DSCAM: variants seen among roughly 807,000 people sequenced by gnomAD.
The protein encoded by DSCAM is cell adhesion molecule DSCAM.
Under a neutral mutation model 217.7 loss-of-function variants are expected in DSCAM, and 47 were observed. The observed-to-expected ratio is 0.22, with a 90% CI of 0.17 to 0.28. The LOEUF (loss-of-function observed/expected upper bound fraction) is 0.28. DSCAM is among the 10% of genes least tolerant of loss of function. The probability of loss-of-function intolerance (pLI) is 1.00; values close to 1 mark genes in which losing one functional copy is unlikely to be tolerated. For synonymous variants in DSCAM, 1,056 were observed against 1,015.3 expected (o/e 1.04, Z -0.76); for missense variants, 2,080 against 2,618.3 (o/e 0.79, Z 4.49).
At chr21:40,785,106 T>C (rs1351532036) in intron 1 of DSCAM, among the ~76,000 whole-genome samples, 3 of 152,188 alleles carry the variant, frequency 2.0e-5, no homozygotes, top group Non-Finnish European at 2.9e-5. Context: ...ACAAATAAAA[T>C]GGAAATAAAT....
At chr21:40,360,121 G>T (rs1209515542) in intron 4 of DSCAM, among the ~76,000 whole-genome samples, 8 of 82,610 alleles carry the variant, frequency 9.7e-5, no homozygotes, top group African/African-American at 2.0e-4. Flanking sequence ...TTCATAGGTA[G>T]TCTTTTTTTT....
At chr21:40,271,438 G>A (rs564306464) in intron 11 of DSCAM, among the ~76,000 whole-genome samples, 15 of 152,184 alleles carry the variant, frequency 9.9e-5, no homozygotes, top group East Asian at 1.9e-4. Context: ...CAGTGTTCCC[G>A]GAAACACGAG....
intron 18 of DSCAM, 150 bp from the exon 19 acceptor site, chr21:40,134,159 G>T: frequency 2.0e-6 from 2 of 982,750 alleles, no homozygotes; most frequent in Non-Finnish European, 2.9e-6. Flanking sequence ...ACTGTGCACA[G>T]TCATCCTGTG....
Position 40,369,215 on chromosome 21 carries a change from G to C in DSCAM, c.539C>G (p.Ala180Gly), listed in dbSNP as rs1268802604. 6 of 1,610,416 alleles carry C rather than the reference G, an allele frequency of 3.7e-6. No homozygotes were observed. Among genetic ancestry groups the C allele is most frequent in the Middle Eastern group, 1.7e-4 (1 of 6,048 alleles). Residue 180 changes from alanine to glycine, a missense_variant, in exon 4 of 33, where the codon GCC (alanine) becomes GGC (glycine). By Grantham distance (60) the Ala-to-Gly change is moderately conservative. Around this residue, in one of 5 missense-constraint regions of DSCAM, gnomAD observed 568 missense variants for 678.1 expected, o/e 0.84. Transcript: ENST00000400454. ...ATTCTGTACATCTTTAATATACAAG[G>C]CTCCCGTGGATGTGATGAGAAATCT... ...GSRFLITSTG[A>G]LYIKDVQNED...
At chr21:40,641,266 G>A (rs2089875422) in intron 3 of DSCAM, among the ~76,000 whole-genome samples, 1 of 151,914 alleles carries the variant, frequency 6.6e-6, no homozygotes, top group Non-Finnish European at 1.5e-5. Context: ...GGTGTGGTCT[G>A]GGTGGTGGAC....
intron 3 of DSCAM, among the ~76,000 whole-genome samples, chr21:40,580,754 A>G (rs2076898890): frequency 6.6e-6 from 1 of 152,170 alleles, no homozygotes; most frequent in Non-Finnish European, 1.5e-5. Context: ...AGTGGAAAAC[A>G]CCCAATGTAC....
At chr21:40,073,839 T>C (rs1388662167) in intron 27 of DSCAM, among the ~76,000 whole-genome samples, 1 of 152,188 alleles carries the variant, frequency 6.6e-6, no homozygotes. Context: ...TAAAAGATAA[T>C]TGGTTCGCAC....
intron 3 of DSCAM, among the ~76,000 whole-genome samples, chr21:40,380,830 G>C (rs1482284573): frequency 6.6e-6 from 1 of 152,066 alleles, no homozygotes; most frequent in African/African-American, 2.4e-5. Context: ...TTGGGAGGCC[G>C]AGGCGGGCGG....
intron 1 of DSCAM, among the ~76,000 whole-genome samples, chr21:40,781,480 G>A (rs2091543909): frequency 1.3e-5 from 2 of 152,164 alleles, no homozygotes; most frequent in Non-Finnish European, 2.9e-5. Flanking sequence ...AGTCCACTTA[G>A]ACACAGATTT....
At chr21:40,324,141 A>AAAG (rs2074292597) in intron 8 of DSCAM, among the ~76,000 whole-genome samples, 3 of 149,940 alleles carry the variant, frequency 2.0e-5, no homozygotes, top group African/African-American at 7.4e-5. Context: ...AGAAAAAAAA[A>AAAG]AGAGAGAGAG....
intron 3 of DSCAM, among the ~76,000 whole-genome samples, chr21:40,692,127 A>G (rs907078642): frequency 1.6e-4 from 24 of 152,372 alleles, no homozygotes; most frequent in African/African-American, 2.9e-4. Flanking sequence ...ATATGCCAAC[A>G]GTCATTATCC....
intron 3 of DSCAM, among the ~76,000 whole-genome samples, chr21:40,444,356 C>T (rs901244960): frequency 2.6e-5 from 4 of 152,170 alleles, no homozygotes; most frequent in African/African-American, 9.7e-5. Context: ...CTTGGCTTGT[C>T]TCTGACACTG....
intron 11 of DSCAM, among the ~76,000 whole-genome samples, chr21:40,274,419 T>C (rs1601507696): frequency 1.3e-5 from 2 of 152,200 alleles, no homozygotes; most frequent in Non-Finnish European, 2.9e-5. Flanking sequence ...CTCATGAGGG[T>C]AAGGCCCATG....
At chr21:40,781,555 T>C (rs2091544517) in intron 1 of DSCAM, among the ~76,000 whole-genome samples, 2 of 152,210 alleles carry the variant, frequency 1.3e-5, no homozygotes, top group Middle Eastern at 3.4e-3. Flanking sequence ...GTATACAACC[T>C]TTTTTTATAT....
rs2146825701 is a variant in DSCAM, at chr21:40,187,155, C to T, written c.2755G>A (p.Asp919Asn). 1.9e-6 allele frequency: 3 copies of T among 1,614,030 alleles called. No individual in the cohort carries two copies. The highest frequency in any genetic ancestry group is 2.5e-6 in the Non-Finnish European group (3 of 1,179,942). ...CCTGATTTATTTTTGCATTCAATAT[C>T]GTAGCCTGTGATGGGACTGTTTCCA... The part of the protein sequence containing the change: ...FDGNSPITGY[D>N]IECKNKSDSW... Residue 919 changes from aspartate (D) to asparagine (N), a missense_variant, in exon 14 of 33, where the codon GAT becomes AAT. This residue lies in a region of DSCAM where 1,144 missense variants were observed against 1,421.1 expected (regional missense o/e 0.81). Transcript: ENST00000400454.
At chr21:40,072,737 C>T (rs1438975240) in intron 27 of DSCAM, among the ~76,000 whole-genome samples, 3 of 152,112 alleles carry the variant, frequency 2.0e-5, no homozygotes, top group Non-Finnish European at 4.4e-5. Flanking sequence ...TGGCAAGCTA[C>T]TTTTCTGAAA....
At chr21:40,459,619 T>C (rs1417650224) in intron 3 of DSCAM, among the ~76,000 whole-genome samples, 1 of 152,152 alleles carries the variant, frequency 6.6e-6, no homozygotes, top group South Asian at 2.1e-4. Flanking sequence ...CTACACAAAA[T>C]GACCATTGAG....
chr21:40,682,287 T>G (rs55777115), intron 3 of DSCAM, among the ~76,000 whole-genome samples: 134,796 of 151,900 alleles, frequency 0.89, 59,939 homozygotes, highest in East Asian at 1. Flanking sequence ...TGGAAGATGA[T>G]GAAATGACCA....
At chr21:40,381,139 G>T (rs1388456285) in intron 3 of DSCAM, among the ~76,000 whole-genome samples, 1 of 151,524 alleles carries the variant, frequency 6.6e-6, no homozygotes, top group African/African-American at 2.4e-5. Flanking sequence ...TGAGGCAAAG[G>T]CGATGAGGAC....
Sources: gnomAD v4.1 joint callset for allele counts (sites outside exome capture counted in the v4.1 genomes callset) on GRCh38, gnomAD v4.1.1 for gene constraint, gnomAD v4.1.1 regional missense constraint, MANE v1.5 for transcripts, NCBI Gene and HGNC (gene_info 2026-07-23, HGNC 2026-07-21) for gene names.